The following SDCCAG8 variants were observed in gnomAD, a reference collection of about 807,000 sequenced individuals.
SDCCAG8 encodes SHH signaling and ciliogenesis regulator SDCCAG8.
SDCCAG8 carries 74 observed loss-of-function variants against 101.8 expected under a neutral mutation model. The observed-to-expected ratio is 0.73, with a 90% CI of 0.60 to 0.88. The LOEUF (loss-of-function observed/expected upper bound fraction) is 0.88, where lower values mean the gene tolerates loss of function less well. SDCCAG8 is among the 40% of genes least tolerant of loss of function. The pLI is 0.00. For synonymous variants in SDCCAG8, 281 were observed against 292.9 expected (o/e 0.96, Z 0.41); for missense variants, 787 against 822.6 (o/e 0.96, Z 0.53).
intron 16 of SDCCAG8, among the ~76,000 whole-genome samples, chr1:243,482,891 G>T (rs771553574): frequency 1.3e-5 from 2 of 152,182 alleles, no homozygotes; most frequent in African/African-American, 4.8e-5. Flanking sequence ...TCTGAAATCG[G>T]ACGATTCTGT....
At chr1:243,433,865 A>T (rs2081962771) in intron 16 of SDCCAG8, among the ~76,000 whole-genome samples, 1 of 152,158 alleles carries the variant, frequency 6.6e-6, no homozygotes, top group Non-Finnish European at 1.5e-5. Flanking sequence ...AAAGTACTAA[A>T]ATTTGGTTTT....
intron 16 of SDCCAG8, among the ~76,000 whole-genome samples, chr1:243,475,226 C>T (rs576781965): frequency 6.6e-6 from 1 of 152,196 alleles, no homozygotes; most frequent in Non-Finnish European, 1.5e-5. Context: ...TTGCTTCTCC[C>T]AACACAACCA....
intron 16 of SDCCAG8, among the ~76,000 whole-genome samples, chr1:243,452,231 C>G (rs978238515): frequency 6.6e-6 from 1 of 152,216 alleles, no homozygotes; most frequent in Non-Finnish European, 1.5e-5. Context: ...TCTAAGTTTT[C>G]TGCACTAAGC....
intron 1 of SDCCAG8, among the ~76,000 whole-genome samples, chr1:243,260,653 A>G (rs1229323840): frequency 1.3e-5 from 2 of 152,184 alleles, no homozygotes; most frequent in South Asian, 2.1e-4. Context: ...AATAGATAAC[A>G]ATTTTATCAA....
intron 16 of SDCCAG8, among the ~76,000 whole-genome samples, chr1:243,485,210 C>T (rs1664560283): frequency 6.6e-6 from 1 of 152,170 alleles, no homozygotes; most frequent in African/African-American, 2.4e-5. Context: ...TGACTTTGTG[C>T]AAGTTAATTA....
In SDCCAG8 at chr1:243,415,716, G is replaced by C; in HGVS notation, c.1631G>C (p.Ser544Thr). The C allele has an allele frequency of 6.2e-7, 1 of 1,613,768 alleles. No homozygotes were observed. Among genetic ancestry groups the C allele is most frequent in the Non-Finnish European group, 8.5e-7 (1 of 1,179,768 alleles). Residue 544 changes from serine to threonine, a missense_variant, in exon 14 of 18, where the codon AGC (serine) becomes ACC (threonine). Coordinates refer to ENST00000366541, the MANE Select transcript of SDCCAG8 (RefSeq NM_006642.5). ...QLHLTRQEKD[S>T]IQQSFSKEAK... ...CTGTTTTGCAGACAGGAAAAAGATAGCATTCAGCAGAGCTTTAGCAAGGAA... is the reference window on the plus strand; with the variant it reads ...CTGTTTTGCAGACAGGAAAAAGATACCATTCAGCAGAGCTTTAGCAAGGAA...
chr1:243,488,341 CCACACATCT>C (rs1338883324), intron 16 of SDCCAG8: 1 of 153,374 alleles, frequency 6.5e-6, no homozygotes, highest in Non-Finnish European at 1.5e-5. Context: ...GTGAGGCAGG[CCACACATCT>C]CGCTTCTTTC....
At chr1:243,469,922 C>T (rs1660894969) in intron 16 of SDCCAG8, among the ~76,000 whole-genome samples, 2 of 146,350 alleles carry the variant, frequency 1.4e-5, no homozygotes, top group South Asian at 4.3e-4. Flanking sequence ...AGTTTCTTGG[C>T]AAGTAAAGGG....
intron 1 of SDCCAG8, among the ~76,000 whole-genome samples, chr1:243,257,342 C>T (rs1435423961): frequency 1.3e-5 from 2 of 152,028 alleles, no homozygotes; most frequent in African/African-American, 4.8e-5. Flanking sequence ...ATGTGTTGTT[C>T]TGCATAATAT....
intron 17 of SDCCAG8, among the ~76,000 whole-genome samples, chr1:243,492,037 C>T (rs963082159): frequency 3.3e-5 from 5 of 152,116 alleles, no homozygotes; most frequent in African/African-American, 2.4e-5. Context: ...CCCCGCTGCC[C>T]CTGGTGGTGG....
rs531755899 is a variant in SDCCAG8, at chr1:243,350,361, A to G, written c.1473+6030A>G. ...GTAGCTGGGACTATGGGAGCACGCC[A>G]CCACCCCCAGCTATTTTGTTGTTGT... On this transcript the variant is annotated intron_variant, in intron 12 of 17. Transcript: ENST00000366541. Among the ~76,000 whole-genome samples the G allele has an allele frequency of 2.0e-4, 31 of 152,048 alleles. No homozygotes were observed. The South Asian group carries it at 4.0e-3, about 19-fold the overall frequency.
rs1485929233 is a variant in SDCCAG8, at chr1:243,344,329, C to G, written c.1471C>G (p.Gln491Glu). 2.5e-6 allele frequency: 4 copies of G among 1,598,410 alleles called. No homozygotes were observed. Among genetic ancestry groups the G allele is most frequent in the Non-Finnish European group, 3.4e-6 (4 of 1,165,840 alleles). ...TAACAGGGATCTTGAAATTAAAGAT[C>G]AGGTAAGAGAGGACACAGCATAATT... ...KTNRDLEIKDQEIEKLRIELD... is the reference protein window; with the variant it reads ...KTNRDLEIKDEEIEKLRIELD... Residue 491 changes from glutamine (Q) to glutamate (E), a missense_variant and splice_region_variant, in exon 12 of 18, where the codon CAG becomes GAG. By Grantham distance (29) the Gln-to-Glu change is conservative. Coordinates refer to ENST00000366541, the MANE Select transcript of SDCCAG8 (RefSeq NM_006642.5).
intron 4 of SDCCAG8, among the ~76,000 whole-genome samples, chr1:243,282,209 T>C (rs1017426682): frequency 6.6e-6 from 1 of 152,110 alleles, no homozygotes; most frequent in Admixed American, 6.5e-5. Flanking sequence ...TACTTCTTTT[T>C]TTTTTTCTTT....
chr1:243,360,293 C>A lies in SDCCAG8; in HGVS notation c.1473+15962C>A, dbSNP rs188475538. 2.5e-3 allele frequency among the ~76,000 whole-genome samples: 375 copies of A among 151,916 alleles called. 3 individuals are homozygous for A. The highest frequency in any genetic ancestry group is 8.8e-3 in the African/African-American group (366 of 41,438). ...CCCTAGTATCTGGGACTACAGGCAC[C>A]CGCCACTATGCCTGGCTAATTTTTT... On this transcript the variant is annotated intron_variant, in intron 12 of 17. Coordinates refer to ENST00000366541, the MANE Select transcript of SDCCAG8 (RefSeq NM_006642.5).
Position 243,320,505 on chromosome 1 carries a change from T to C in SDCCAG8, c.1068+3612T>C, listed in dbSNP as rs369858940. On this transcript the variant is annotated intron_variant, in intron 9 of 17. Coordinates refer to ENST00000366541, the MANE Select transcript of SDCCAG8 (RefSeq NM_006642.5). ...CTGCTTTTTTCCTCCTCTCGCGCCC[T>C]GTCTCCCAGTACACTCAGCTATCGT... Among the ~76,000 whole-genome samples, 468 of 152,250 alleles carry C rather than the reference T, an allele frequency of 3.1e-3. 3 individuals carry two copies. The highest frequency in any genetic ancestry group is 0.011 in the African/African-American group (449 of 41,556).
At chr1:243,318,211 C>G (rs1212912526) in intron 9 of SDCCAG8, among the ~76,000 whole-genome samples, 1 of 152,200 alleles carries the variant, frequency 6.6e-6, no homozygotes, top group African/African-American at 2.4e-5. Context: ...CAGGAACATG[C>G]ATGGAGCCGG....
At chr1:243,259,790 G>A (rs1043597547) in intron 1 of SDCCAG8, among the ~76,000 whole-genome samples, 2 of 152,106 alleles carry the variant, frequency 1.3e-5, no homozygotes, top group African/African-American at 4.8e-5. Flanking sequence ...TGCTGAGATC[G>A]CGCCACTGCA....
chr1:243,323,582 T>C (rs1234838206), intron 9 of SDCCAG8, among the ~76,000 whole-genome samples: 2 of 152,204 alleles, frequency 1.3e-5, no homozygotes, highest in Non-Finnish European at 2.9e-5. Flanking sequence ...AGCTTTCCTG[T>C]GATCATCTTT....
chr1:243,489,030 A>G lies in SDCCAG8; in HGVS notation c.2002A>G (p.Lys668Glu), dbSNP rs1446535595. ...TTTCTCCAGGCTAAGGCAGCTGGATAAGCACAGCCAGGCCACAGCCCAGCA... is the reference window on the plus strand; with the variant it reads ...TTTCTCCAGGCTAAGGCAGCTGGATGAGCACAGCCAGGCCACAGCCCAGCA... ...TMKQRLRQLD[K>E]HSQATAQQLV... The change falls in exon 17 of 18, where the codon AAG becomes GAG. Residue 668 changes from lysine to glutamate, a missense_variant. Physicochemically the swap from Lys to Glu is moderately conservative, Grantham distance 56. Transcript: ENST00000366541. 3.1e-6 allele frequency: 5 copies of G among 1,613,324 alleles called. No homozygotes were observed. Among genetic ancestry groups the G allele is most frequent in the Non-Finnish European group, 4.2e-6 (5 of 1,180,048 alleles).
Sources: allele counts gnomAD v4.1 joint callset (sites outside exome capture counted in the v4.1 genomes callset), GRCh38; gene constraint gnomAD v4.1.1; transcripts MANE v1.5; gene names NCBI Gene and HGNC (gene_info 2026-07-23, HGNC 2026-07-21).